Variants in MYH15 observed in about 807,000 individuals in gnomAD.
The protein encoded by MYH15 is myosin-15.
In MYH15, 227 loss-of-function variants were observed where a neutral mutation model predicts 240.5. That is an observed-to-expected ratio of 0.94 (90% CI 0.85 to 1.05). The LOEUF (loss-of-function observed/expected upper bound fraction) is 1.05, where lower values mean the gene tolerates loss of function less well. MYH15 is among the 50% of genes least tolerant of loss of function. The pLI is 0.00. For synonymous variants in MYH15, 785 were observed against 796.7 expected, an observed-to-expected ratio of 0.99 and a Z score of 0.25; for missense variants, 2,217 against 2,247.5, an observed-to-expected ratio of 0.99 and a Z score of 0.27.
intron 2 of MYH15, 75 bp from the exon 3 acceptor site, chr3:108,501,930 A>G: frequency 6.7e-7 from 1 of 1,503,302 alleles, no homozygotes; most frequent in Non-Finnish European, 9.2e-7. Flanking sequence ...AATTAGAAAG[A>G]ATATTCAGAC....
At chr3:108,452,635 G>A (rs919482097) in intron 21 of MYH15, among the ~76,000 whole-genome samples, 3 of 152,010 alleles carry the variant, frequency 2.0e-5, no homozygotes, top group Admixed American at 2.0e-4. Context: ...ACATTTTAAG[G>A]ATATCTGCAT....
chr3:108,492,608 A>T lies in MYH15; in HGVS notation c.776-13T>A, dbSNP rs191719035. Reference sequence around the variant, plus strand: ...TTTTCAAGCAAATCTGGATGATGAGAAATGAATAAAAATTCATACTTAGGC... The same window carrying T: ...TTTTCAAGCAAATCTGGATGATGAGTAATGAATAAAAATTCATACTTAGGC... On this transcript the variant is annotated splice_polypyrimidine_tract_variant and intron_variant, in intron 8 of 40. Transcript: ENST00000693548. 3.2e-5 allele frequency: 51 copies of T among 1,591,546 alleles called. 1 individual carries two copies. Among genetic ancestry groups the T allele is most frequent in the Non-Finnish European group, 4.2e-5 (49 of 1,161,140 alleles).
intron 21 of MYH15, among the ~76,000 whole-genome samples, chr3:108,447,492 T>C (rs576223981): frequency 4.6e-5 from 7 of 151,874 alleles, no homozygotes; most frequent in Non-Finnish European, 1.0e-4. Context: ...TCACATATAA[T>C]GAAACCCTCA....
intron 30 of MYH15, 22 bp from the exon 31 acceptor site, chr3:108,410,954 AGAGT>A: frequency 6.4e-7 from 1 of 1,558,270 alleles, no homozygotes; most frequent in Non-Finnish European, 8.8e-7. Context: ...GGACACCCAA[AGAGT>A]GAGTGAGGCA....
In MYH15 at chr3:108,460,343, C is replaced by A. The variant is rs767277272; in HGVS notation, c.1889G>T (p.Arg630Leu). 1 of 1,598,110 alleles carries A rather than the reference C, an allele frequency of 6.3e-7. No homozygotes were observed. Among genetic ancestry groups the A allele is most frequent in the Non-Finnish European group, 8.5e-7 (1 of 1,172,850 alleles). ...CGTTTGGAATGAAGCTCCTTTCTTTCGTTTCTTCTCCCCAAATGGTATAGC... is the reference window on the plus strand; with the variant it reads ...CGTTTGGAATGAAGCTCCTTTCTTTAGTTTCTTCTCCCCAAATGGTATAGC... ...DSAIPFGEKK[R>L]KKGASFQTVA... is the part of the protein sequence containing the mutation. The change falls in exon 17 of 41, where the codon CGA (arginine) becomes CTA (leucine). Residue 630 changes from arginine (R) to leucine (L), a missense_variant. Coordinates refer to ENST00000693548, the MANE Select transcript of MYH15 (RefSeq NM_014981.3).
At chr3:108,540,762 C>G in the MYH15 span, among the ~76,000 whole-genome samples, 1 of 151,842 alleles carries the variant, frequency 6.6e-6, no homozygotes, top group South Asian at 2.1e-4. Context: ...CCTTTTTCAT[C>G]ATATTAAAAA....
chr3:108,499,344 G>A, intron 5 of MYH15, 111 bp downstream of exon 5: 1 of 1,090,692 alleles, frequency 9.2e-7, no homozygotes, highest in Non-Finnish European at 1.4e-6. Flanking sequence ...GCATCTAAAG[G>A]GCAATTAATT....
rs758508554 is a variant in MYH15 at position 108,410,726 on chromosome 3, T to C, written c.4352A>G (p.Lys1451Arg). Reference sequence around the variant, plus strand: ...CAGCAACGCCTGGGACTCCTCGTGCTTCTGCTTCCAGTCGGCAAGGGCCTT... The same window carrying C: ...CAGCAACGCCTGGGACTCCTCGTGCCTCTGCTTCCAGTCGGCAAGGGCCTT... ...SGKALADWKQKHEESQALLDA... is the reference protein window; with the variant it reads ...SGKALADWKQRHEESQALLDA... Residue 1451 changes from lysine to arginine, a missense_variant, in exon 31 of 41, where the codon AAG becomes AGG. Coordinates refer to ENST00000693548, the MANE Select transcript of MYH15 (RefSeq NM_014981.3). The C allele has an allele frequency of 9.3e-6, 15 of 1,614,190 alleles. No homozygotes were observed. The highest frequency in any genetic ancestry group is 1.3e-5 in the African/African-American group (1 of 75,058).
intron 12 of MYH15, among the ~76,000 whole-genome samples, chr3:108,476,053 C>T (rs2107590365): frequency 6.6e-6 from 1 of 152,254 alleles, no homozygotes; most frequent in South Asian, 2.1e-4. Context: ...TGAAGCATGC[C>T]AATTTGCCAA....
chr3:108,476,567 A>T, intron 11 of MYH15, 52 bp from the exon 12 acceptor site: 1 of 1,172,450 alleles, frequency 8.5e-7, no homozygotes, highest in Non-Finnish European at 1.3e-6. Context: ...CACTGTTAAG[A>T]TTCATTCCAT....
chr3:108,397,385 G>T (rs1299323666), intron 35 of MYH15, among the ~76,000 whole-genome samples: 1 of 152,098 alleles, frequency 6.6e-6, no homozygotes, highest in African/African-American at 2.4e-5. Context: ...CTTCTTACAT[G>T]TCCTTCATGA....
chr3:108,426,815 G>T lies in MYH15; in HGVS notation c.3702+1677C>A, dbSNP rs374821622. 9.0e-4 allele frequency among the ~76,000 whole-genome samples: 137 copies of T among 152,260 alleles called. 1 individual carries two copies. Among genetic ancestry groups the T allele is most frequent in the Non-Finnish European group, 1.6e-3 (109 of 68,002 alleles). On this transcript the variant is annotated intron_variant, in intron 27 of 40. Coordinates refer to ENST00000693548, the MANE Select transcript of MYH15 (RefSeq NM_014981.3). ...TTCAATTCCTGAGAGCTCCTGCCAGGGGGGGGCAGTGCTACATGGGGCCCT... is the reference window on the plus strand; with the variant it reads ...TTCAATTCCTGAGAGCTCCTGCCAGTGGGGGGCAGTGCTACATGGGGCCCT...
At chr3:108,534,548 T>C in the MYH15 span, among the ~76,000 whole-genome samples, 8 of 152,120 alleles carry the variant, frequency 5.3e-5, no homozygotes, top group African/African-American at 1.9e-4. Flanking sequence ...ACAAGTTGTT[T>C]CTGAAGCTTA....
Position 108,525,358 on chromosome 3 carries a change from C to A in MYH15, c.-58+3905G>T, listed in dbSNP as rs561512887. Among the ~76,000 whole-genome samples the A allele has an allele frequency of 2.0e-5, 3 of 152,196 alleles. No individual in the cohort carries two copies. The South Asian group carries it at 6.2e-4, about 32-fold the overall frequency. On this transcript the variant is annotated intron_variant, in intron 1 of 41. Coordinates refer to the MYH15 transcript ENST00000273353. ...TTATTTTAACCTCTCTTTTCCAACA[C>A]AATCACTCTCCAGTAATAATCTTCT... is the stretch of plus-strand genomic sequence containing the variant.
chr3:108,490,774 CT>C (rs2083339632), intron 9 of MYH15, among the ~76,000 whole-genome samples: 1 of 152,174 alleles, frequency 6.6e-6, no homozygotes, highest in South Asian at 2.1e-4. Flanking sequence ...ACAATTTCAT[CT>C]AAAATAGAAC....
chr3:108,437,702 G>C lies in MYH15; in HGVS notation c.3076-3C>G. ...TCCTGCTCAAGGGCACCCTCAAGCT[G>C]ACAAAAGGAAACATTATTTAGCTAA... On this transcript the variant is annotated splice_polypyrimidine_tract_variant and splice_region_variant and intron_variant, in intron 24 of 40. Transcript: ENST00000693548. 1 of 1,608,526 alleles carries C rather than the reference G, an allele frequency of 6.2e-7. No individual in the cohort carries two copies. Among genetic ancestry groups the C allele is most frequent in the Non-Finnish European group, 8.5e-7 (1 of 1,178,424 alleles).
intron 1 of MYH15, among the ~76,000 whole-genome samples, chr3:108,507,315 G>A (rs2083486546): frequency 7.1e-6 from 1 of 141,624 alleles, no homozygotes; most frequent in South Asian, 2.2e-4. Flanking sequence ...GCTCACAGAA[G>A]TCCCCAGGTC....
chr3:108,384,215 T>A (rs888879094), intron 39 of MYH15, among the ~76,000 whole-genome samples: 3 of 152,212 alleles, frequency 2.0e-5, no homozygotes, highest in Non-Finnish European at 4.4e-5. Flanking sequence ...ATGACACTTA[T>A]CAATTACATT....
At chr3:108,483,609 A>T (rs1016806061) in intron 11 of MYH15, among the ~76,000 whole-genome samples, 1 of 152,232 alleles carries the variant, frequency 6.6e-6, no homozygotes, top group Non-Finnish European at 1.5e-5. Context: ...ACACAAATGA[A>T]TTGAAAGCAG....
Sources: gnomAD v4.1 joint callset for allele counts (sites outside exome capture counted in the v4.1 genomes callset) on GRCh38, gnomAD v4.1.1 for gene constraint, MANE v1.5 for transcripts, NCBI Gene and HGNC (gene_info 2026-07-23, HGNC 2026-07-21) for gene names.